Variants in VRK2 observed in about 807,000 individuals in gnomAD.
The protein encoded by VRK2 is serine/threonine-protein kinase VRK2.
Under a neutral mutation model 57.6 loss-of-function variants are expected in VRK2, and 60 were observed. That is an observed-to-expected ratio of 1.04 (90% CI 0.85 to 1.29). The LOEUF is 1.29. VRK2 is among the 50% of genes most tolerant of loss of function. The pLI is 0.00. For synonymous variants in VRK2, 231 were observed against 199.2 expected (o/e 1.16, Z -1.35); for missense variants, 705 against 588.1 (o/e 1.20, Z -2.06).
chr2:58,126,180 A>C (rs1162257512), intron 8 of VRK2, among the ~76,000 whole-genome samples: 1 of 151,960 alleles, frequency 6.6e-6, no homozygotes, highest in Non-Finnish European at 1.5e-5. Context: ...TAGAACTTCT[A>C]GGTGCCAGAG....
intron 8 of VRK2, among the ~76,000 whole-genome samples, chr2:58,131,317 A>C (rs1573293726): frequency 6.6e-6 from 1 of 150,662 alleles, no homozygotes; most frequent in East Asian, 1.9e-4. Flanking sequence ...ATATTCTTCC[A>C]ACTTCAAATG....
chr2:57,981,632 T>G (rs1053059556), intron 1 of VRK2, among the ~76,000 whole-genome samples: 1 of 152,212 alleles, frequency 6.6e-6, no homozygotes, highest in African/African-American at 2.4e-5. Flanking sequence ...AAATACGTTT[T>G]CCACATTGCT....
chr2:58,074,460 G>C lies in VRK2; in HGVS notation c.137-9629G>C, dbSNP rs148546379. Among the ~76,000 whole-genome samples the C allele has an allele frequency of 6.5e-3, 992 of 151,848 alleles. 12 individuals are homozygous for C. Among genetic ancestry groups the C allele is most frequent in the African/African-American group, 0.023 (933 of 41,442 alleles). On this transcript the variant is annotated intron_variant, in intron 2 of 12. Transcript: ENST00000340157. ...TTCTTGGAGTATCAATTCTTCTTTA[G>C]AAATTTTTAGTGGTTGATTTAGAGT...
intron 1 of VRK2, among the ~76,000 whole-genome samples, chr2:57,925,026 A>T (rs9808535): frequency 0.042 from 6,425 of 151,926 alleles, 443 homozygotes; most frequent in African/African-American, 0.15. Context: ...TGATTTGCCT[A>T]TGTTGCTCCA....
intron 1 of VRK2, among the ~76,000 whole-genome samples, chr2:57,926,236 G>GT (rs1670527305): frequency 6.6e-6 from 1 of 151,742 alleles, no homozygotes; most frequent in Non-Finnish European, 1.5e-5. Context: ...TATCTGCTAG[G>GT]TCATCTTGTT....
chr2:58,084,025 A>C, intron 2 of VRK2, 64 bp from the exon 3 acceptor site: 1 of 1,555,122 alleles, frequency 6.4e-7, no homozygotes, highest in Non-Finnish European at 8.8e-7. Context: ...TGTTTGGGAT[A>C]TGGTAGGTAT....
intron 1 of VRK2, among the ~76,000 whole-genome samples, chr2:57,948,513 A>T (rs1324751761): frequency 6.6e-6 from 1 of 152,200 alleles, no homozygotes; most frequent in Non-Finnish European, 1.5e-5. Context: ...TAGTTAATGC[A>T]AAGAAGCTTT....
intron 1 of VRK2, among the ~76,000 whole-genome samples, chr2:57,909,477 T>TGTG (rs10679276): frequency 0.34 from 50,553 of 150,030 alleles, 8,781 homozygotes; most frequent in Middle Eastern, 0.42. Context: ...TGTGTGTGTG[T>TGTG]TTTTTTTTTA....
At chr2:58,129,352 A>G (rs1678824334) in intron 8 of VRK2, among the ~76,000 whole-genome samples, 1 of 152,206 alleles carries the variant, frequency 6.6e-6, no homozygotes, top group African/African-American at 2.4e-5. Context: ...TTAAAAAGAA[A>G]TACATTGCAC....
intron 12 of VRK2, among the ~76,000 whole-genome samples, chr2:58,156,524 A>G (rs1384589432): frequency 6.6e-6 from 1 of 151,650 alleles, no homozygotes; most frequent in Non-Finnish European, 1.5e-5. Context: ...GCAGCTAAAT[A>G]ACTATTTTTT....
intron 2 of VRK2, among the ~76,000 whole-genome samples, chr2:58,076,276 A>C (rs1230844045): frequency 6.6e-6 from 1 of 151,974 alleles, no homozygotes. Flanking sequence ...CATTTAATAC[A>C]TCTAGCCTAC....
At chr2:58,009,149 G>C (rs1673343653) in intron 1 of VRK2, among the ~76,000 whole-genome samples, 1 of 152,146 alleles carries the variant, frequency 6.6e-6, no homozygotes, top group Non-Finnish European at 1.5e-5. Flanking sequence ...TGAAATGGTA[G>C]CAGGGAATAT....
intron 7 of VRK2, among the ~76,000 whole-genome samples, chr2:58,090,400 C>CAA (rs888066524): frequency 9.2e-4 from 45 of 49,136 alleles, no homozygotes; most frequent in African/African-American, 1.7e-3. Flanking sequence ...AACTCCATCT[C>CAA]AAAAAAAAAA....
intron 1 of VRK2, among the ~76,000 whole-genome samples, chr2:57,994,358 T>C (rs1476231987): frequency 6.6e-6 from 1 of 152,152 alleles, no homozygotes; most frequent in Non-Finnish European, 1.5e-5. Flanking sequence ...TCCATCAGTG[T>C]CAATAATCTG....
intron 1 of VRK2, among the ~76,000 whole-genome samples, chr2:57,917,490 T>C (rs1028640436): frequency 6.6e-6 from 1 of 150,574 alleles, no homozygotes; most frequent in Non-Finnish European, 1.5e-5. Context: ...TCATTATGCA[T>C]GTGAGAGCAG....
At chr2:58,069,234 G>A (rs1052463674) in intron 2 of VRK2, among the ~76,000 whole-genome samples, 3 of 152,192 alleles carry the variant, frequency 2.0e-5, no homozygotes, top group Non-Finnish European at 4.4e-5. Context: ...GGGGTACAGT[G>A]TTCGTTTAGT....
intron 12 of VRK2, chr2:58,147,244 C>G (rs1390066079): frequency 1.9e-6 from 1 of 514,144 alleles, no homozygotes; most frequent in Non-Finnish European, 3.9e-6. Flanking sequence ...AAATTAGAAG[C>G]ATAGTACTTA....
At chr2:58,032,527 C>A (rs1291887615) in intron 2 of VRK2, among the ~76,000 whole-genome samples, 1 of 152,062 alleles carries the variant, frequency 6.6e-6, no homozygotes, top group Non-Finnish European at 1.5e-5. Flanking sequence ...GTCCCACCTG[C>A]AAATACTGCA....
In VRK2 at chr2:58,048,555, T is replaced by C. The variant is rs74493473; in HGVS notation, c.-5-272T>C. 2.4e-3 allele frequency: 3,294 copies of C among 1,388,216 alleles called. 72 individuals are homozygous for C. In the African/African-American group the frequency reaches 0.043, roughly 18 times the overall value. The allele number at this position is 1,388,216 out of a possible 1,614,324, so 86.0% of individuals were successfully genotyped here. A position where few individuals can be genotyped will look rare whatever the true frequency, so the allele number is the denominator to read the frequency against. The stretch of plus-strand genomic sequence containing the variant: ...TGTCCTGCACTGTTAATATGTGCTA[T>C]AGAACCCCGAAATGAATTTTGGATG... On this transcript the variant is annotated intron_variant, in intron 1 of 12. Transcript: ENST00000340157.
Sources: gnomAD v4.1 joint callset for allele counts (sites outside exome capture counted in the v4.1 genomes callset) on GRCh38, gnomAD v4.1.1 for gene constraint, MANE v1.5 for transcripts, NCBI Gene and HGNC (gene_info 2026-07-23, HGNC 2026-07-21) for gene names.